Variants in PDZD7 observed in about 807,000 individuals in gnomAD.
PDZD7 encodes the protein PDZ domain containing 7, also known as PDZ domain-containing protein 7.
PDZD7 carries 72 observed loss-of-function variants against 84.7 expected under a neutral mutation model. That is an observed-to-expected ratio of 0.85 (90% CI 0.70 to 1.03). PDZD7 has a LOEUF of 1.03. Among genes scored for constraint, PDZD7 ranks in the 50% least tolerant of loss-of-function variants. PDZD7 has a pLI of 0.00. For missense variants in PDZD7, 1,490 were observed against 1,412.9 expected, an observed-to-expected ratio of 1.05 and a Z score of -0.87; for synonymous variants, 594 against 580.7, an observed-to-expected ratio of 1.02 and a Z score of -0.33.
At chr10:101,021,514 T>C (rs1250898368) in intron 6 of PDZD7, among the ~76,000 whole-genome samples, 1 of 152,146 alleles carries the variant, frequency 6.6e-6, no homozygotes, top group Admixed American at 6.5e-5. Context: ...CTTTCAACCC[T>C]AGGCCTCCAC....
chr10:101,023,792 G>T (rs1853265276), intron 3 of PDZD7, 136 bp downstream of exon 3: 1 of 1,489,456 alleles, frequency 6.7e-7, no homozygotes, highest in Non-Finnish European at 9.3e-7. Context: ...CTTGAGGGTT[G>T]GCCCTGTCTC....
intron 10 of PDZD7, among the ~76,000 whole-genome samples, chr10:101,016,026 A>C (rs546177299): frequency 6.6e-6 from 1 of 152,246 alleles, no homozygotes; most frequent in Non-Finnish European, 1.5e-5. Context: ...TCTGTTTCTT[A>C]ATGGGGTCTT....
chr10:101,023,070 C>CTTTTTT (rs1161602421), intron 4 of PDZD7: 2 of 127,894 alleles, frequency 1.6e-5, no homozygotes, highest in African/African-American at 6.9e-5. Context: ...CCATGCCCGG[C>CTTTTTT]TTTTTTTTTT....
At chr10:101,019,877 C>T (rs955610029) in intron 7 of PDZD7, among the ~76,000 whole-genome samples, 2 of 151,008 alleles carry the variant, frequency 1.3e-5, no homozygotes, top group Non-Finnish European at 2.9e-5. Context: ...CCACCCACCT[C>T]AGCCTCCCAA....
intron 2 of PDZD7, 96 bp from the exon 3 acceptor site, chr10:101,024,164 T>C: frequency 6.3e-7 from 1 of 1,583,002 alleles, no homozygotes. Context: ...GCTAGGTTGC[T>C]GGGCACAGTC....
chr10:101,028,602 TAAAAAAA>T lies in PDZD7; in HGVS notation c.226+1385_226+1391del, dbSNP rs71975380. On this transcript the variant is annotated intron_variant, in intron 2 of 16. Coordinates refer to ENST00000619208, the MANE Select transcript of PDZD7 (RefSeq NM_001195263.2). ...CGACAGAGCAAGACCCTTTCCCTCT[TAAAAAAA>T]AAAAAAAAGACGTTATAAACAGCGC... Among the ~76,000 whole-genome samples the T allele has an allele frequency of 2.2e-5, 3 of 134,812 alleles. No individual in the cohort carries two copies. In the East Asian group the frequency reaches 6.5e-4, roughly 29 times the overall value. The allele number at this position is 134,812 out of a possible 152,430, so 88.4% of individuals were successfully genotyped here.
intron 9 of PDZD7, chr10:101,017,432 G>A (rs2134032603): frequency 2.1e-6 from 1 of 471,942 alleles, no homozygotes; most frequent in East Asian, 3.4e-5. Context: ...TTGCTATGTT[G>A]CCCAGGCTGG....
rs1333979236 is a variant in PDZD7, at chr10:101,018,305, A to G, written c.1325-9T>C. 6.2e-7 allele frequency: 1 copy of G among 1,612,070 alleles called. No individual in the cohort carries two copies. Among genetic ancestry groups the G allele is most frequent in the Non-Finnish European group, 8.5e-7 (1 of 1,179,438 alleles). ...CCGCTGCTGCTTCTCCTCTGCAGAC[A>G]CGAGGGAGCAACGGGGGAGCTGGAG... On this transcript the variant is annotated splice_polypyrimidine_tract_variant and intron_variant, in intron 8 of 16. Coordinates refer to ENST00000619208, the MANE Select transcript of PDZD7 (RefSeq NM_001195263.2).
chr10:101,012,921 C>G (rs529892490), intron 11 of PDZD7, among the ~76,000 whole-genome samples: 4 of 152,198 alleles, frequency 2.6e-5, no homozygotes, highest in African/African-American at 4.8e-5. Context: ...TGGCACTGCC[C>G]GGATGCCACC....
At chr10:101,017,780 C>A (rs1490535160) in intron 9 of PDZD7, 7 of 458,704 alleles carry the variant, frequency 1.5e-5, no homozygotes, top group East Asian at 4.1e-5. Context: ...GAGCAAAACT[C>A]CATCTCAAAA....
intron 11 of PDZD7, among the ~76,000 whole-genome samples, chr10:101,012,602 A>G (rs1452397116): frequency 6.6e-6 from 1 of 152,206 alleles, no homozygotes; most frequent in Non-Finnish European, 1.5e-5. Context: ...AGGCTCAGAG[A>G]GAAGGACTTC....
intron 2 of PDZD7, 114 bp from the exon 3 acceptor site, chr10:101,024,182 C>A: frequency 6.9e-7 from 1 of 1,444,090 alleles, no homozygotes; most frequent in Non-Finnish European, 9.7e-7. Context: ...GTCACACAGG[C>A]ACGTAGGGGC....
At chr10:101,021,185 G>T (rs1474376596) in intron 6 of PDZD7, among the ~76,000 whole-genome samples, 2 of 152,124 alleles carry the variant, frequency 1.3e-5, no homozygotes, top group African/African-American at 4.8e-5. Flanking sequence ...GGTAGAAATT[G>T]GCGGGGGAAG....
chr10:101,011,379 C>T (rs1852389824), intron 14 of PDZD7: 6 of 571,284 alleles, frequency 1.1e-5, no homozygotes, highest in East Asian at 5.1e-5. Flanking sequence ...GAATCGTTAC[C>T]GTTCTATTTT....
rs1038496300 is a variant in PDZD7 at position 101,024,132 on chromosome 10, C to T, written c.227-64G>A. ...TGTGGGCACAGAGGGCCCCTGGGTT[C>T]CCCAACTTGGGGCCTGCAAAGGCTA... On this transcript the variant is annotated intron_variant, in intron 2 of 16. Transcript: ENST00000619208. The T allele has an allele frequency of 3.1e-6, 5 of 1,612,514 alleles. No individual in the cohort carries two copies. In the African/African-American group the frequency reaches 5.3e-5, roughly 17 times the overall value.
Position 101,010,542 on chromosome 10 carries a change from G to A in PDZD7, c.2347C>T (p.Arg783Cys), listed in dbSNP as rs1440869002. The change falls in exon 15 of 17, where the codon CGC becomes TGC. Residue 783 changes from arginine to cysteine, a missense_variant. Arg to Cys is a radical substitution (Grantham distance 180). Transcript: ENST00000619208. Reference sequence around the variant, plus strand: ...GACTTGCCTTGACCCCGGCTGCTGCGGCTGCGGCTGCGGCTACGGCTGCGG... The same window carrying A: ...GACTTGCCTTGACCCCGGCTGCTGCAGCTGCGGCTGCGGCTACGGCTGCGG... ...RSRSRSRSRS[R>C]SSRGQGKSPG... 4 of 1,521,400 alleles carry A rather than the reference G, an allele frequency of 2.6e-6. No individual in the cohort carries two copies. The highest frequency in any genetic ancestry group is 1.4e-5 in the African/African-American group (1 of 72,726). 94.2% of individuals were successfully genotyped at this position (1,521,400 alleles called of 1,614,324 possible).
At chr10:101,026,899 T>G (rs1324190061) in intron 2 of PDZD7, among the ~76,000 whole-genome samples, 3 of 151,960 alleles carry the variant, frequency 2.0e-5, no homozygotes, top group African/African-American at 7.3e-5. Flanking sequence ...TTTTACTCCC[T>G]TGCTACCAAC....
chr10:101,027,042 C>T (rs1042512509), intron 2 of PDZD7, among the ~76,000 whole-genome samples: 1 of 152,146 alleles, frequency 6.6e-6, no homozygotes, highest in Non-Finnish European at 1.5e-5. Context: ...GCCTCTCCCC[C>T]AGGTGCTCCA....
At chr10:101,029,701 G>A (rs1409097142) in intron 2 of PDZD7, among the ~76,000 whole-genome samples, 2 of 152,196 alleles carry the variant, frequency 1.3e-5, no homozygotes, top group African/African-American at 2.4e-5. Flanking sequence ...TCAATCCCCT[G>A]CCTTGTCCAC....
Sources: gnomAD v4.1 joint callset for allele counts (sites outside exome capture counted in the v4.1 genomes callset) on GRCh38, gnomAD v4.1.1 for gene constraint, MANE v1.5 for transcripts, NCBI Gene and HGNC (gene_info 2026-07-23, HGNC 2026-07-21) for gene names.